The following DOCK4 variants were observed in gnomAD, a reference collection of about 807,000 sequenced individuals.
The protein encoded by DOCK4 is dedicator of cytokinesis 4, also known as dedicator of cytokinesis protein 4.
Under a neutral mutation model 268.1 loss-of-function variants are expected in DOCK4, and 97 were observed. That is an observed-to-expected ratio of 0.36 (90% CI 0.31 to 0.43). The LOEUF (loss-of-function observed/expected upper bound fraction) is 0.43. Ranked by LOEUF, DOCK4 falls within the 20% of genes least tolerant of loss-of-function variation. The pLI is 1.00. For synonymous variants in DOCK4, 954 were observed against 887.2 expected, an observed-to-expected ratio of 1.08 and a Z score of -1.34; for missense variants, 2,145 against 2,455.7, an observed-to-expected ratio of 0.87 and a Z score of 2.67.
intron 1 of DOCK4, among the ~76,000 whole-genome samples, chr7:112,061,739 T>TCACACACACACACACACA (rs61696712): frequency 1.5e-5 from 2 of 137,220 alleles, no homozygotes; most frequent in African/African-American, 2.8e-5. Context: ...ATTAACAATG[T>TCACACACACACACACACA]CACACACACA....
intron 1 of DOCK4, among the ~76,000 whole-genome samples, chr7:112,147,037 C>T (rs958461281): frequency 2.0e-5 from 3 of 152,014 alleles, no homozygotes; most frequent in South Asian, 2.1e-4. Context: ...TTTTTTAAAG[C>T]AGGACTCCTA....
Position 112,068,007 on chromosome 7 carries a change from T to C in DOCK4, c.38-63876A>G, listed in dbSNP as rs1235623744. Reference sequence around the variant, plus strand: ...TCATCTCAAAGCAGGTATGTAATTATATACAGAGCCAAGAAAATTATGCAT... The same window carrying C: ...TCATCTCAAAGCAGGTATGTAATTACATACAGAGCCAAGAAAATTATGCAT... On this transcript the variant is annotated intron_variant, in intron 1 of 52. Coordinates refer to ENST00000428084, the MANE Select transcript of DOCK4 (RefSeq NM_001363540.2). Among the ~76,000 whole-genome samples, 6 of 137,850 alleles carry C rather than the reference T, an allele frequency of 4.4e-5. No individual in the cohort carries two copies. In the East Asian group the frequency reaches 1.1e-3, roughly 26 times the overall value. 90.4% of individuals were successfully genotyped at this position (137,850 alleles called of 152,430 possible). A position where few individuals can be genotyped will look rare whatever the true frequency, so the allele number is the denominator to read the frequency against.
chr7:111,735,253 C>G, intron 50 of DOCK4, 86 bp from the exon 51 acceptor site: 5 of 929,452 alleles, frequency 5.4e-6, no homozygotes, highest in South Asian at 3.8e-5. Flanking sequence ...CAGAATTATC[C>G]AGAATGAAAA....
chr7:111,821,762 C>T (rs1340546889), intron 27 of DOCK4: 4 of 152,180 alleles, frequency 2.6e-5, no homozygotes, highest in African/African-American at 4.8e-5. Context: ...ATAAAAAGAA[C>T]GTCAATCTCC....
At chr7:111,887,084 C>A (rs1191201569) in intron 16 of DOCK4, among the ~76,000 whole-genome samples, 2 of 152,280 alleles carry the variant, frequency 1.3e-5, no homozygotes, top group East Asian at 3.9e-4. Context: ...TAATACTCAC[C>A]TCTGGTTTAA....
At chr7:111,861,241 C>A (rs957827587) in intron 23 of DOCK4, among the ~76,000 whole-genome samples, 1 of 152,012 alleles carries the variant, frequency 6.6e-6, no homozygotes, top group Non-Finnish European at 1.5e-5. Context: ...ATCTTTTCTC[C>A]AGGATATGTT....
At chr7:111,739,569 A>C in intron 47 of DOCK4, 92 bp from the exon 48 acceptor site, 1 of 1,133,470 alleles carries the variant, frequency 8.8e-7, no homozygotes, top group Non-Finnish European at 1.3e-6. Flanking sequence ...CTTTTTTTCA[A>C]ATTAGCAACA....
rs188363041 is a variant in DOCK4, at chr7:111,812,058, C to T, written c.2931-109G>A. On this transcript the variant is annotated intron_variant, in intron 27 of 52. Coordinates refer to ENST00000428084, the MANE Select transcript of DOCK4 (RefSeq NM_001363540.2). ...AAATAAAACCTTCTTCAGTAAGCAT[C>T]TGGAGCAATATTAAATAATTCATAT... The T allele has an allele frequency of 4.8e-5, 27 of 567,614 alleles. No homozygotes were observed. The Admixed American group carries it at 6.1e-4, about 13-fold the overall frequency. 35.2% of individuals were successfully genotyped at this position (567,614 alleles called of 1,614,324 possible). A position where few individuals can be genotyped will look rare whatever the true frequency, so the allele number is the denominator to read the frequency against.
intron 1 of DOCK4, among the ~76,000 whole-genome samples, chr7:112,148,968 G>A (rs1586923481): frequency 6.6e-6 from 1 of 152,170 alleles, no homozygotes; most frequent in Non-Finnish European, 1.5e-5. Flanking sequence ...CTGGAACTCA[G>A]GTGAAGTCTC....
intron 1 of DOCK4, among the ~76,000 whole-genome samples, chr7:112,093,226 A>C (rs1357664590): frequency 1.3e-5 from 2 of 152,176 alleles, no homozygotes; most frequent in Non-Finnish European, 2.9e-5. Context: ...ATAAACATGA[A>C]GTGGCTCTTA....
chr7:111,801,387 G>A (rs939417755), intron 30 of DOCK4, among the ~76,000 whole-genome samples: 1 of 152,062 alleles, frequency 6.6e-6, no homozygotes, highest in African/African-American at 2.4e-5. Context: ...CTTCTTTCTT[G>A]CCTGTTAAAC....
intron 1 of DOCK4, among the ~76,000 whole-genome samples, chr7:112,026,109 C>A (rs1186433048): frequency 6.6e-5 from 10 of 152,196 alleles, no homozygotes; most frequent in Non-Finnish European, 1.5e-5. Context: ...GCCTCATTAC[C>A]ACTTGCACAC....
At chr7:111,862,138 A>C (rs1375959981) in intron 23 of DOCK4, among the ~76,000 whole-genome samples, 1 of 151,970 alleles carries the variant, frequency 6.6e-6, no homozygotes, top group Non-Finnish European at 1.5e-5. Context: ...GCCTCTACTA[A>C]AAATACAAAA....
At chr7:111,756,175 C>G (rs573479365) in intron 41 of DOCK4, among the ~76,000 whole-genome samples, 1 of 152,042 alleles carries the variant, frequency 6.6e-6, no homozygotes, top group African/African-American at 2.4e-5. Flanking sequence ...GGTGAAACCG[C>G]GTCTCTGCTA....
chr7:111,842,662 G>A (rs1333769068), intron 25 of DOCK4, among the ~76,000 whole-genome samples: 1 of 152,238 alleles, frequency 6.6e-6, no homozygotes, highest in Non-Finnish European at 1.5e-5. Context: ...ACAACTGGCA[G>A]TAACAAGTCA....
intron 12 of DOCK4, among the ~76,000 whole-genome samples, chr7:111,928,877 C>G (rs1055388947): frequency 6.6e-6 from 1 of 152,134 alleles, no homozygotes; most frequent in African/African-American, 2.4e-5. Context: ...GTGGGAGCCA[C>G]CAAACCTGGC....
intron 11 of DOCK4, among the ~76,000 whole-genome samples, chr7:111,939,761 T>C (rs1795053205): frequency 6.6e-6 from 1 of 152,186 alleles, no homozygotes; most frequent in Admixed American, 6.5e-5. Context: ...TCCCCAATTC[T>C]AATAAATTTA....
chr7:111,969,597 A>C (rs888956061), intron 8 of DOCK4, among the ~76,000 whole-genome samples: 7 of 151,814 alleles, frequency 4.6e-5, no homozygotes, highest in African/African-American at 7.3e-5. Flanking sequence ...AAGAAATCTC[A>C]GGTGAATAGG....
intron 1 of DOCK4, among the ~76,000 whole-genome samples, chr7:112,053,063 GAACA>G (rs1457204361): frequency 6.6e-6 from 1 of 152,066 alleles, no homozygotes; most frequent in African/African-American, 2.4e-5. Context: ...TTCTTTCAAA[GAACA>G]AACACATAAT....
Sources: gnomAD v4.1 joint callset for allele counts (sites outside exome capture counted in the v4.1 genomes callset) on GRCh38, gnomAD v4.1.1 for gene constraint, MANE v1.5 for transcripts, NCBI Gene and HGNC (gene_info 2026-07-23, HGNC 2026-07-21) for gene names.